Variants in TXNRD2 observed in about 807,000 individuals in gnomAD.
TXNRD2 encodes the protein thioredoxin reductase 2, mitochondrial.
TXNRD2 carries 67 observed loss-of-function variants against 70.8 expected under a neutral mutation model. The ratio of observed to expected loss-of-function variants is 0.95; its 90% CI spans 0.78 to 1.16. TXNRD2 has a LOEUF of 1.16. TXNRD2 is among the 50% of genes most tolerant of loss of function. The probability of loss-of-function intolerance (pLI) is 0.00; values close to 1 mark genes in which losing one functional copy is unlikely to be tolerated. For missense variants in TXNRD2, 644 were observed against 719.9 expected (o/e 0.89, Z 1.21); for synonymous variants, 301 against 295.8 (o/e 1.02, Z -0.18).
intron 8 of TXNRD2, among the ~76,000 whole-genome samples, chr22:19,908,397 C>T (rs1940170077): frequency 6.6e-6 from 1 of 152,098 alleles, no homozygotes; most frequent in South Asian, 2.1e-4. Context: ...ATAAGACCAC[C>T]TCACAGCCAC....
chr22:19,909,868 C>CGCCACTCACACACACA, intron 8 of TXNRD2, among the ~76,000 whole-genome samples: 1 of 122,076 alleles, frequency 8.2e-6, no homozygotes, highest in Non-Finnish European at 1.7e-5. Context: ...ACCACACACA[C>CGCCACTCACACACACA]ACCACTCACA....
intron 12 of TXNRD2, chr22:19,881,002 C>T (rs530298845): frequency 2.3e-5 from 13 of 575,854 alleles, no homozygotes; most frequent in Non-Finnish European, 3.7e-5. Context: ...CATGCTCAAG[C>T]CTTCTCTCCA....
chr22:19,920,098 C>T (rs1940840266), intron 2 of TXNRD2, among the ~76,000 whole-genome samples: 1 of 152,220 alleles, frequency 6.6e-6, no homozygotes, highest in Non-Finnish European at 1.5e-5. Context: ...GCATTCGCTG[C>T]CTCACTCTCA....
chr22:19,895,301 G>T, intron 11 of TXNRD2, 106 bp downstream of exon 11: 1 of 1,596,720 alleles, frequency 6.3e-7, no homozygotes, highest in East Asian at 2.2e-5. Context: ...CCGCCTGGCA[G>T]CCAGCAGGAT....
chr22:19,893,391 G>A (rs979706577), intron 11 of TXNRD2, among the ~76,000 whole-genome samples: 3 of 152,212 alleles, frequency 2.0e-5, no homozygotes, highest in Non-Finnish European at 2.9e-5. Flanking sequence ...TAAACTAGAC[G>A]GCCAGGCACC....
At chr22:19,929,734 C>A (rs895647191) in intron 2 of TXNRD2, among the ~76,000 whole-genome samples, 2 of 152,162 alleles carry the variant, frequency 1.3e-5, no homozygotes, top group Non-Finnish European at 2.9e-5. Context: ...CTGTTTATTA[C>A]GGCAGCCCTG....
At chr22:19,937,951 A>G (rs1941586087) in intron 1 of TXNRD2, 1 of 152,262 alleles carries the variant, frequency 6.6e-6, no homozygotes, top group South Asian at 2.1e-4. Context: ...AGCAGTCCCA[A>G]CGCAGCCCCC....
intron 8 of TXNRD2, chr22:19,911,074 AAAAAAAAAAGCC>A (rs1445624221): frequency 4.4e-6 from 1 of 227,846 alleles, no homozygotes; most frequent in Non-Finnish European, 8.4e-6. Flanking sequence ...GAATTCACCT[AAAAAAAAAAGCC>A]AAAAAAAAAA....
intron 7 of TXNRD2, 133 bp downstream of exon 7, chr22:19,915,081 G>A: frequency 1.2e-6 from 1 of 846,588 alleles, no homozygotes; most frequent in Non-Finnish European, 2.0e-6. Flanking sequence ...AAAGCAGAAA[G>A]TGATGATAGT....
intron 8 of TXNRD2, among the ~76,000 whole-genome samples, chr22:19,909,705 CCACACACACCACG>C (rs1940261998): frequency 7.5e-6 from 1 of 134,194 alleles, no homozygotes; most frequent in Admixed American, 7.7e-5. Flanking sequence ...CTCACACACA[CCACACACACCACG>C]CACACACACC....
intron 11 of TXNRD2, among the ~76,000 whole-genome samples, chr22:19,884,900 GCCTAGAGACCTCAGGGC>G (rs540277685): frequency 6.6e-6 from 1 of 152,306 alleles, no homozygotes; most frequent in South Asian, 2.1e-4. Flanking sequence ...CACAGTCCCA[GCCTAGAGACCTCAGGGC>G]CAAGGGGAGC....
chr22:19,938,954 C>T (rs902532449), intron 1 of TXNRD2, among the ~76,000 whole-genome samples: 1 of 152,130 alleles, frequency 6.6e-6, no homozygotes, highest in Non-Finnish European at 1.5e-5. Flanking sequence ...CTGACTGCAG[C>T]TAAATGCCAT....
At chr22:19,894,304 T>G (rs1939393991) in intron 11 of TXNRD2, 1 of 152,192 alleles carries the variant, frequency 6.6e-6, no homozygotes, top group Admixed American at 6.5e-5. Flanking sequence ...TTGGAGATAA[T>G]GGAAAAGTTC....
At chr22:19,894,948 C>T (rs561599292) in intron 11 of TXNRD2, 29 of 1,369,906 alleles carry the variant, frequency 2.1e-5, no homozygotes, top group Middle Eastern at 2.6e-4. Context: ...CCAGCCTGGG[C>T]GACAGAGCGA....
At chr22:19,877,507 C>T (rs538829062) in intron 16 of TXNRD2, among the ~76,000 whole-genome samples, 1 of 152,276 alleles carries the variant, frequency 6.6e-6, no homozygotes, top group Non-Finnish European at 1.5e-5. Context: ...CCCTGCTAGG[C>T]ACAGTCCTGC....
Position 19,880,673 on chromosome 22 carries a change from G to T in TXNRD2, c.1131C>A (p.Leu377=). ...ACCCGCCGAAGAGCCGCTGCACCAGGAGCCTCCCGGCCATGATCGCTATGG... is the reference window on the plus strand; with the variant it reads ...ACCCGCCGAAGAGCCGCTGCACCAGTAGCCTCCCGGCCATGATCGCTATGG... ...LTPIAIMAGR[L]LVQRLFGGSS... The change falls in exon 13 of 18, where the codon CTC becomes CTA. Residue 377 remains leucine (L), a synonymous_variant. Transcript: ENST00000400521. 6.2e-7 allele frequency: 1 copy of T among 1,613,382 alleles called. No homozygotes were observed. Among genetic ancestry groups the T allele is most frequent in the Non-Finnish European group, 8.5e-7 (1 of 1,180,030 alleles).
chr22:19,907,993 G>A (rs1164303559), intron 8 of TXNRD2, among the ~76,000 whole-genome samples: 3 of 115,658 alleles, frequency 2.6e-5, no homozygotes, highest in African/African-American at 1.0e-4. Flanking sequence ...CAGCTCTCAG[G>A]AGAGTGTGGG....
At chr22:19,922,982 C>T (rs567292763) in intron 2 of TXNRD2, among the ~76,000 whole-genome samples, 19 of 152,114 alleles carry the variant, frequency 1.2e-4, no homozygotes, top group Non-Finnish European at 2.6e-4. Context: ...CCACCATGCC[C>T]GGCCAGGAAG....
At chr22:19,930,444 G>A in intron 2 of TXNRD2, among the ~76,000 whole-genome samples, 1 of 152,198 alleles carries the variant, frequency 6.6e-6, no homozygotes, top group East Asian at 1.9e-4. Context: ...TGGGTTAGCA[G>A]AGAACTGCAA....
Sources: allele counts gnomAD v4.1 joint callset (sites outside exome capture counted in the v4.1 genomes callset), GRCh38; gene constraint gnomAD v4.1.1; transcripts MANE v1.5; gene names NCBI Gene and HGNC (gene_info 2026-07-23, HGNC 2026-07-21).